MTA3: variants seen among roughly 807,000 people sequenced by gnomAD.
MTA3 encodes metastasis-associated protein MTA3.
A neutral mutation model predicts 83.5 loss-of-function variants in MTA3; 34 were observed. The ratio of observed to expected loss-of-function variants is 0.41; its 90% CI spans 0.31 to 0.54. The LOEUF is 0.54. Among genes scored for constraint, MTA3 ranks in the 20% least tolerant of loss-of-function variants. The pLI, the probability that MTA3 is intolerant of heterozygous loss-of-function variation, is 0.33. For synonymous variants in MTA3, 303 were observed against 252.7 expected, an observed-to-expected ratio of 1.20 and a Z score of -1.89; for missense variants, 761 against 726.4, an observed-to-expected ratio of 1.05 and a Z score of -0.55.
intron 9 of MTA3, 154 bp downstream of exon 9, chr2:42,682,743 A>C (rs1399286241): frequency 5.7e-6 from 4 of 695,698 alleles, no homozygotes; most frequent in African/African-American, 5.4e-5. Flanking sequence ...TAAAGGGAGA[A>C]ACTGATAATT....
chr2:42,656,267 G>A lies in MTA3; in HGVS notation c.567G>A (p.Thr189=), dbSNP rs147840607. ...VKVWDPNSPL[T]DRQIDQFLVV... Reference sequence around the variant, plus strand: ...TTTGGGATCCAAATAGCCCACTTACGGATCGACAGATTGACCAGTTTTTAG... The same window carrying A: ...TTTGGGATCCAAATAGCCCACTTACAGATCGACAGATTGACCAGTTTTTAG... The change falls in exon 7 of 17, where the codon ACG becomes ACA. Residue 189 remains threonine, a synonymous_variant. Coordinates refer to ENST00000405094, the MANE Select transcript of MTA3 (RefSeq NM_001330442.2). 118 of 1,613,638 alleles carry A rather than the reference G, an allele frequency of 7.3e-5. No homozygotes were observed. The East Asian group carries it at 1.9e-3, about 25-fold the overall frequency.
chr2:42,691,589 C>G (rs1692906372), intron 9 of MTA3, among the ~76,000 whole-genome samples: 1 of 152,144 alleles, frequency 6.6e-6, no homozygotes, highest in Non-Finnish European at 1.5e-5. Context: ...ATGTGTTCTT[C>G]TGTGTACTTA....
intron 11 of MTA3, among the ~76,000 whole-genome samples, chr2:42,701,042 G>A (rs2104484906): frequency 6.6e-6 from 1 of 152,272 alleles, no homozygotes; most frequent in South Asian, 2.1e-4. Context: ...ATGCTGCAGT[G>A]AGTTGTGATC....
intron 16 of MTA3, among the ~76,000 whole-genome samples, chr2:42,724,331 C>CACACACACACAT (rs1667658793): frequency 1.4e-5 from 2 of 144,866 alleles, no homozygotes; most frequent in African/African-American, 2.6e-5. Context: ...CACACACACA[C>CACACACACACAT]GTATATATTC....
intron 3 of MTA3, among the ~76,000 whole-genome samples, chr2:42,603,087 T>G (rs1399998182): frequency 6.7e-6 from 1 of 150,330 alleles, no homozygotes; most frequent in Non-Finnish European, 1.5e-5. Flanking sequence ...AACACGTTGG[T>G]AGGCACATCA....
chr2:42,676,240 C>A (rs1202772605), intron 8 of MTA3, among the ~76,000 whole-genome samples: 2 of 152,206 alleles, frequency 1.3e-5, no homozygotes, highest in Non-Finnish European at 2.9e-5. Context: ...TGAATATAAT[C>A]ATTTTTTGTC....
At chr2:42,509,113 G>A (rs1674781659) in intron 2 of MTA3, among the ~76,000 whole-genome samples, 1 of 151,856 alleles carries the variant, frequency 6.6e-6, no homozygotes, top group Non-Finnish European at 1.5e-5. Flanking sequence ...CGTGATCTTG[G>A]CTCACTGCAA....
chr2:42,590,052 A>G (rs1216350718), intron 3 of MTA3, among the ~76,000 whole-genome samples: 1 of 152,184 alleles, frequency 6.6e-6, no homozygotes, highest in Non-Finnish European at 1.5e-5. Flanking sequence ...CAGTAGGAGC[A>G]TGTGGGTGTT....
chr2:42,662,647 A>G (rs369828758), intron 8 of MTA3, among the ~76,000 whole-genome samples: 1 of 151,912 alleles, frequency 6.6e-6, no homozygotes, highest in East Asian at 1.9e-4. Flanking sequence ...CATTTTGATA[A>G]CTAAGTCTTA....
intron 2 of MTA3, among the ~76,000 whole-genome samples, chr2:42,518,407 G>A (rs1164605526): frequency 6.6e-6 from 1 of 152,184 alleles, no homozygotes; most frequent in East Asian, 1.9e-4. Context: ...ATTGGGAAAT[G>A]TCAAAGCCAC....
intron 6 of MTA3, among the ~76,000 whole-genome samples, chr2:42,644,966 C>A (rs930439501): frequency 6.6e-6 from 1 of 151,918 alleles, no homozygotes; most frequent in Non-Finnish European, 1.5e-5. Context: ...GGTAAGTGTT[C>A]AAGTGAAAGG....
chr2:42,508,888 A>G (rs977538660), intron 2 of MTA3, among the ~76,000 whole-genome samples: 3 of 147,820 alleles, frequency 2.0e-5, no homozygotes, highest in Non-Finnish European at 4.5e-5. Context: ...TATATACAAC[A>G]TATATACTAT....
At chr2:42,609,318 C>G (rs1246754929) in intron 3 of MTA3, 140 bp from the exon 4 acceptor site, 2 of 891,456 alleles carry the variant, frequency 2.2e-6, no homozygotes, top group Non-Finnish European at 3.3e-6. Context: ...AAGCATGAGC[C>G]ACTGCACCTG....
chr2:42,696,153 C>A (rs1693372444), intron 10 of MTA3, among the ~76,000 whole-genome samples: 3 of 152,118 alleles, frequency 2.0e-5, no homozygotes, highest in African/African-American at 7.2e-5. Context: ...CTAACACAAA[C>A]CTCTTGAACA....
In MTA3 at chr2:42,526,373, G is replaced by T. The variant is rs548641929; in HGVS notation, c.-141+31119G>T. On this transcript the variant is annotated intron_variant, in intron 2 of 17. Coordinates refer to the MTA3 transcript ENST00000405592. The stretch of plus-strand genomic sequence containing the variant: ...TGCCACCGAGGCCGATTGGCCTTCT[G>T]GGTGAGGCCAAGATTCCTGGCTCTC... 2.0e-5 allele frequency among the ~76,000 whole-genome samples: 3 copies of T among 152,280 alleles called. No individual in the cohort carries two copies. In the South Asian group the frequency reaches 6.2e-4, roughly 32 times the overall value.
intron 8 of MTA3, among the ~76,000 whole-genome samples, chr2:42,676,088 T>C (rs1691329429): frequency 6.6e-6 from 1 of 152,234 alleles, no homozygotes; most frequent in Non-Finnish European, 1.5e-5. Context: ...GGAGGTTTCA[T>C]ATCTCCTGGT....
intron 7 of MTA3, 62 bp downstream of exon 7, chr2:42,656,364 A>G (rs769607421): frequency 2.3e-5 from 23 of 1,017,084 alleles, no homozygotes; most frequent in Admixed American, 4.9e-5. Flanking sequence ...ATTTATAGGT[A>G]TATGTATTTT....
rs527315570 is a variant in MTA3 at position 42,499,714 on chromosome 2, G to T, written c.-141+4460G>T. 2.6e-5 allele frequency among the ~76,000 whole-genome samples: 4 copies of T among 151,630 alleles called. No homozygotes were observed. In the East Asian group the frequency reaches 7.9e-4, roughly 30 times the overall value. Reference sequence around the variant, plus strand: ...TGAGCAGGAGAATCGCTTGAACCTGGGAGGCGGAGGTTGCGGTGAGCTGAG... The same window carrying T: ...TGAGCAGGAGAATCGCTTGAACCTGTGAGGCGGAGGTTGCGGTGAGCTGAG... On this transcript the variant is annotated intron_variant, in intron 2 of 17. Transcript: ENST00000405592.
At chr2:42,666,276 GA>G (rs375258268) in intron 8 of MTA3, among the ~76,000 whole-genome samples, 1 of 151,846 alleles carries the variant, frequency 6.6e-6, no homozygotes, top group Non-Finnish European at 1.5e-5. Flanking sequence ...GACTCCATCT[GA>G]AAAAAACAAA....
Sources: allele counts gnomAD v4.1 joint callset (sites outside exome capture counted in the v4.1 genomes callset), GRCh38; gene constraint gnomAD v4.1.1; transcripts MANE v1.5; gene names NCBI Gene and HGNC (gene_info 2026-07-23, HGNC 2026-07-21).